The following SMOX variants were observed in gnomAD, a reference collection of about 807,000 sequenced individuals.
The protein encoded by SMOX is spermine oxidase.
Under a neutral mutation model 51.0 loss-of-function variants are expected in SMOX, and 22 were observed. The observed-to-expected ratio is 0.43, with a 90% CI of 0.31 to 0.62. SMOX has a LOEUF of 0.62. SMOX is among the 20% of genes least tolerant of loss of function. The pLI is 0.10. For missense variants in SMOX, 566 were observed against 777.7 expected (o/e 0.73, Z 3.24); for synonymous variants, 282 against 307.8 (o/e 0.92, Z 0.88).
intron 3 of SMOX, among the ~76,000 whole-genome samples, chr20:4,180,280 G>A (rs189211592): frequency 1.3e-5 from 2 of 152,324 alleles, no homozygotes; most frequent in African/African-American, 4.8e-5. Context: ...TGTCTCAGGT[G>A]GAGGCCTTCC....
intron 1 of SMOX, among the ~76,000 whole-genome samples, chr20:4,155,801 T>A (rs1015234270): frequency 6.6e-6 from 1 of 150,906 alleles, no homozygotes; most frequent in African/African-American, 2.4e-5. Context: ...GGAAGCGGGG[T>A]AGCAGTCACT....
intron 6 of SMOX, chr20:4,186,612 C>G (rs2122606103): frequency 1.5e-6 from 1 of 670,180 alleles, no homozygotes; most frequent in African/African-American, 1.8e-5. Flanking sequence ...AGGTCCTGTC[C>G]TCTGGGAAGC....
rs200667541 is a variant in SMOX, at chr20:4,182,679, A to G, written c.1200A>G (p.Pro400=). ...CAGAGAGCCACACCCTCACCTACCC[A>G]CCTGAGCTCTGGTACCGCAAGATCT... The part of the protein sequence containing the change: ...DEAESHTLTY[P]PELWYRKICG... The change falls in exon 5 of 7, where the codon CCA becomes CCG. Residue 400 remains proline (P), a synonymous_variant. Transcript: ENST00000305958. This position sits in a 1 kb window ranked among gnomAD's most constrained non-coding sequence, Gnocchi z 8.4. 1.1e-4 allele frequency: 183 copies of G among 1,613,782 alleles called. 1 individual carries two copies. The East Asian group carries it at 2.7e-3, about 23-fold the overall frequency.
chr20:4,175,879 G>C (rs1270325762), intron 2 of SMOX, among the ~76,000 whole-genome samples: 3 of 135,484 alleles, frequency 2.2e-5, no homozygotes, highest in African/African-American at 8.2e-5. Flanking sequence ...CCTAGGTCAG[G>C]GCTTCCCAAC....
Position 4,187,244 on chromosome 20 carries a change from C to G in SMOX, c.1531-26C>G, listed in dbSNP as rs1215284152. The G allele has an allele frequency of 2.5e-6, 4 of 1,602,790 alleles. No individual in the cohort carries two copies. The highest frequency in any genetic ancestry group is 3.4e-6 in the Non-Finnish European group (4 of 1,173,118). ...TTCTGGCCTTTGCTGCTCCTCCACCCTGACCTCCCCATCCCCGCCCCGCAG... is the reference window on the plus strand; with the variant it reads ...TTCTGGCCTTTGCTGCTCCTCCACCGTGACCTCCCCATCCCCGCCCCGCAG... On this transcript the variant is annotated intron_variant, in intron 6 of 6. Coordinates refer to ENST00000305958, the MANE Select transcript of SMOX (RefSeq NM_175839.3). This position sits in a 1 kb window ranked among gnomAD's most constrained non-coding sequence, Gnocchi z 4.8.
chr20:4,156,943 G>A lies in SMOX; in HGVS notation c.-27+7966G>A, dbSNP rs571812506. ...TTTTTAGTAGAGGTGGGGTTTCACCGTGTTGCCCAGGCTGGTCTGGAACTC... is the reference window on the plus strand; with the variant it reads ...TTTTTAGTAGAGGTGGGGTTTCACCATGTTGCCCAGGCTGGTCTGGAACTC... On this transcript the variant is annotated intron_variant, in intron 1 of 6. Coordinates refer to ENST00000305958, the MANE Select transcript of SMOX (RefSeq NM_175839.3). Among the ~76,000 whole-genome samples the A allele has an allele frequency of 6.5e-4, 99 of 152,174 alleles. 2 individuals are homozygous for A. The highest frequency in any genetic ancestry group is 6.2e-3 in the Admixed American group (94 of 15,284).
rs79238665 is a variant in SMOX at position 4,182,826 on chromosome 20, G to A, written c.1347G>A (p.Thr449=). ...ACGAGGCAGTGGCCGAGATCTGCACGGAGATGCTGCGTCAGTTCACAGGTG... is the reference window on the plus strand; with the variant it reads ...ACGAGGCAGTGGCCGAGATCTGCACAGAGATGCTGCGTCAGTTCACAGGTG... ...CDDEAVAEIC[T]EMLRQFTGNP... The change falls in exon 5 of 7, where the codon ACG becomes ACA. Residue 449 remains threonine (T), a synonymous_variant. Transcript: ENST00000305958. This position sits in a 1 kb window ranked among gnomAD's most constrained non-coding sequence, Gnocchi z 8.4. 1.3e-5 allele frequency: 21 copies of A among 1,608,286 alleles called. No homozygotes were observed. The highest frequency in any genetic ancestry group is 4.5e-5 in the East Asian group (2 of 44,866).
chr20:4,171,749 T>C (rs1040796454), intron 1 of SMOX: 3 of 152,374 alleles, frequency 2.0e-5, no homozygotes, highest in Admixed American at 6.5e-5. Flanking sequence ...GCTGCCTGCA[T>C]TCATTCCACG....
chr20:4,178,961 G>A (rs541421610), intron 3 of SMOX, among the ~76,000 whole-genome samples: 2 of 152,300 alleles, frequency 1.3e-5, no homozygotes, highest in South Asian at 2.1e-4. Flanking sequence ...GGGATTACAA[G>A]CGTGAGCCAC....
rs376477647 is a variant in SMOX, at chr20:4,170,375, G to A, written c.-26-4655G>A. 6.6e-6 allele frequency among the ~76,000 whole-genome samples: 1 copy of A among 152,192 alleles called. No individual in the cohort carries two copies. Among genetic ancestry groups the A allele is most frequent in the East Asian group, 1.9e-4 (1 of 5,192 alleles). ...TGTTTAGTTCTGGGCATTTCCAGGC[G>A]GGGCTTGGCAGGGTCAGACGTTGGA... On this transcript the variant is annotated intron_variant, in intron 1 of 6. Transcript: ENST00000305958. This position sits in a 1 kb window ranked among gnomAD's most constrained non-coding sequence, Gnocchi z 4.6.
chr20:4,186,941 G>T, intron 6 of SMOX: 2 of 650,146 alleles, frequency 3.1e-6, no homozygotes, highest in East Asian at 5.2e-5. Context: ...GAAGTAGGTG[G>T]TATAAACCCA....
intron 6 of SMOX, among the ~76,000 whole-genome samples, chr20:4,185,353 A>G (rs1289331633): frequency 6.6e-6 from 1 of 152,098 alleles, no homozygotes; most frequent in East Asian, 1.9e-4. Flanking sequence ...CAGCCTCACT[A>G]CTCAGGGTAG....
In SMOX at chr20:4,178,105, G is replaced by A. The variant is rs868534634; in HGVS notation, c.435+528G>A. ...CGTCCAGGCTGGAGTGCAGTGGCGC[G>A]ATCTCAGCTCACTGTAACCTCTACC... On this transcript the variant is annotated intron_variant, in intron 3 of 6. Coordinates refer to ENST00000305958, the MANE Select transcript of SMOX (RefSeq NM_175839.3). Among the ~76,000 whole-genome samples the A allele has an allele frequency of 6.6e-5, 10 of 152,178 alleles. 1 individual carries two copies. In the South Asian group the frequency reaches 1.4e-3, roughly 22 times the overall value.
rs1978931518 is a variant in SMOX, at chr20:4,177,248, T to C, written c.209-103T>C. The C allele has an allele frequency of 2.0e-6, 2 of 1,010,042 alleles. No individual in the cohort carries two copies. Among genetic ancestry groups the C allele is most frequent in the African/African-American group, 3.3e-5 (2 of 61,468 alleles). 62.6% of individuals were successfully genotyped at this position (1,010,042 alleles called of 1,614,324 possible). ...GAAGTTCAAGCTCTTTCCTGCCCTG[T>C]TGTAGGGTGGAAAGACCCTCTTGGA... is the stretch of plus-strand genomic sequence containing the variant. On this transcript the variant is annotated intron_variant, in intron 2 of 6. Transcript: ENST00000305958. The surrounding 1 kb of genome is among the most constrained non-coding windows in gnomAD (Gnocchi z 4.3).
At chr20:4,157,786 C>T (rs1288634967) in intron 1 of SMOX, among the ~76,000 whole-genome samples, 4 of 152,250 alleles carry the variant, frequency 2.6e-5, no homozygotes, top group Non-Finnish European at 5.9e-5. Context: ...CATTCTCAGA[C>T]TCTCAGGGCA....
rs538443458 is a variant in SMOX, at chr20:4,152,866, C to T, written c.-27+3889C>T. Among the ~76,000 whole-genome samples the T allele has an allele frequency of 2.6e-5, 4 of 152,334 alleles. No individual in the cohort carries two copies. The South Asian group carries it at 8.3e-4, about 32-fold the overall frequency. ...ATGAGGATTGAATCCAAACATTTTA[C>T]AGACGGGAGGACTGAGTCATAGTCA... On this transcript the variant is annotated intron_variant, in intron 1 of 6. Coordinates refer to ENST00000305958, the MANE Select transcript of SMOX (RefSeq NM_175839.3).
intron 1 of SMOX, among the ~76,000 whole-genome samples, chr20:4,154,759 A>G (rs961227114): frequency 2.8e-4 from 43 of 151,976 alleles, no homozygotes; most frequent in African/African-American, 1.0e-3. Flanking sequence ...GTCTTGAGGG[A>G]CGAGTGCAGT....
rs187965035 is a variant in SMOX at position 4,158,832 on chromosome 20, G to A, written c.-27+9855G>A. Among the ~76,000 whole-genome samples, 212 of 152,084 alleles carry A rather than the reference G, an allele frequency of 1.4e-3. 2 individuals carry two copies. Among genetic ancestry groups the A allele is most frequent in the Admixed American group, 3.4e-3 (52 of 15,284 alleles). On this transcript the variant is annotated intron_variant, in intron 1 of 6. Coordinates refer to ENST00000305958, the MANE Select transcript of SMOX (RefSeq NM_175839.3). ...TCCGGGACAGCCCAGCTCAGCCAGC[G>A]CACCTCTGATCCTGGCGGGTGGTGG...
intron 1 of SMOX, among the ~76,000 whole-genome samples, chr20:4,162,395 C>T (rs1039836650): frequency 6.6e-6 from 1 of 152,224 alleles, no homozygotes; most frequent in Non-Finnish European, 1.5e-5. Flanking sequence ...GTTGGAATCA[C>T]ACGTTGAGAG....
Sources: gnomAD v4.1 joint callset for allele counts (sites outside exome capture counted in the v4.1 genomes callset) on GRCh38, gnomAD v4.1.1 for gene constraint, Gnocchi (gnomAD v3.1) non-coding constraint, MANE v1.5 for transcripts, NCBI Gene and HGNC (gene_info 2026-07-23, HGNC 2026-07-21) for gene names.